NDST3: variants seen among roughly 807,000 people sequenced by gnomAD.
NDST3 encodes bifunctional heparan sulfate N-deacetylase/N-sulfotransferase 3.
Under a neutral mutation model 96.1 loss-of-function variants are expected in NDST3, and 58 were observed. That is an observed-to-expected ratio of 0.60 (90% confidence interval 0.49 to 0.75). The LOEUF (loss-of-function observed/expected upper bound fraction) is 0.75, where lower values mean the gene tolerates loss of function less well. NDST3 is among the 30% of genes least tolerant of loss of function. NDST3 has a pLI of 0.00. For missense variants in NDST3, 788 were observed against 1,034.2 expected (o/e 0.76, Z 3.27); for synonymous variants, 333 against 359.7 (o/e 0.93, Z 0.84).
intron 2 of NDST3, among the ~76,000 whole-genome samples, chr4:118,065,208 T>C (rs1173962099): frequency 6.6e-6 from 1 of 152,154 alleles, no homozygotes; most frequent in African/African-American, 2.4e-5. Context: ...GTAATCATGC[T>C]ACAATTCTTA....
intron 6 of NDST3, among the ~76,000 whole-genome samples, chr4:118,144,241 C>T (rs542290651): frequency 5.7e-4 from 87 of 151,658 alleles, no homozygotes; most frequent in African/African-American, 2.1e-3. Context: ...AGTGCAGTGG[C>T]GCCATCTCGG....
At chr4:118,186,470 T>C (rs1369151102) in intron 6 of NDST3, among the ~76,000 whole-genome samples, 8 of 152,128 alleles carry the variant, frequency 5.3e-5, no homozygotes, top group African/African-American at 1.2e-4. Flanking sequence ...GCTGAAGGAC[T>C]TGGAGTCTAA....
chr4:118,109,221 T>C (rs1730445094), intron 3 of NDST3, among the ~76,000 whole-genome samples: 1 of 152,154 alleles, frequency 6.6e-6, no homozygotes, highest in African/African-American at 2.4e-5. Flanking sequence ...TTATCTTAGA[T>C]TCTTTGACAT....
chr4:118,198,989 C>T (rs555333503), intron 6 of NDST3, among the ~76,000 whole-genome samples: 1 of 151,878 alleles, frequency 6.6e-6, no homozygotes, highest in African/African-American at 2.4e-5. Flanking sequence ...TTTTTTTATC[C>T]TTGACCTTTG....
intron 6 of NDST3, among the ~76,000 whole-genome samples, chr4:118,192,180 T>A (rs1737349525): frequency 6.6e-6 from 1 of 152,244 alleles, no homozygotes; most frequent in African/African-American, 2.4e-5. Context: ...ACATTCCGCT[T>A]ATTAATCCCT....
At position 118,096,740 on chromosome 4, in the gene NDST3, G is replaced by A. The variant is rs560482293; in HGVS notation, c.982-8278G>A. ...TTAGGCAGATGTATTATAAGGAATT[G>A]GCTTATGAGGTTATGGAGGCTGAGA... is the stretch of plus-strand genomic sequence containing the variant. On this transcript the variant is annotated intron_variant, in intron 2 of 13. Transcript: ENST00000296499. Among the ~76,000 whole-genome samples, 27 of 151,850 alleles carry A rather than the reference G, an allele frequency of 1.8e-4. No homozygotes were observed. In the South Asian group the frequency reaches 2.7e-3, roughly 15 times the overall value.
At chr4:118,159,660 A>G (rs990396484) in intron 6 of NDST3, among the ~76,000 whole-genome samples, 3 of 152,252 alleles carry the variant, frequency 2.0e-5, no homozygotes, top group Non-Finnish European at 2.9e-5. Flanking sequence ...AAGATGTTCA[A>G]TAAACTCAGG....
intron 2 of NDST3, among the ~76,000 whole-genome samples, chr4:118,060,609 GC>G (rs1489559736): frequency 6.6e-6 from 1 of 151,806 alleles, no homozygotes; most frequent in Admixed American, 6.6e-5. Flanking sequence ...CTTTATATTT[GC>G]CCCACTTGTT....
At chr4:118,148,513 T>C (rs2125912524) in intron 6 of NDST3, among the ~76,000 whole-genome samples, 1 of 152,290 alleles carries the variant, frequency 6.6e-6, no homozygotes, top group South Asian at 2.1e-4. Context: ...ACCCTCCTAC[T>C]CAAATCCCTA....
At chr4:118,056,806 G>T (rs1725471851) in intron 2 of NDST3, among the ~76,000 whole-genome samples, 1 of 151,922 alleles carries the variant, frequency 6.6e-6, no homozygotes, top group Non-Finnish European at 1.5e-5. Flanking sequence ...AGGCTTTAGG[G>T]ATACAATGAT....
In NDST3 at chr4:118,072,699, G is replaced by A. The variant is rs149711738; in HGVS notation, c.981+17808G>A. Among the ~76,000 whole-genome samples, 1,011 of 151,970 alleles carry A rather than the reference G, an allele frequency of 6.7e-3. 8 individuals are homozygous for A. The highest frequency in any genetic ancestry group is 0.023 in the African/African-American group (969 of 41,496). Reference sequence around the variant, plus strand: ...AGAAATAGTTTGACTTTCTCTCTTCGTATTTGGATGCCTTTTGTTTCTTTA... The same window carrying A: ...AGAAATAGTTTGACTTTCTCTCTTCATATTTGGATGCCTTTTGTTTCTTTA... On this transcript the variant is annotated intron_variant, in intron 2 of 13. Transcript: ENST00000296499.
intron 6 of NDST3, among the ~76,000 whole-genome samples, chr4:118,164,678 G>A (rs573739345): frequency 6.6e-5 from 10 of 152,138 alleles, no homozygotes; most frequent in African/African-American, 1.4e-4. Flanking sequence ...CAGAAAAATA[G>A]ATAATACTGT....
At chr4:118,173,442 T>C (rs960370700) in intron 6 of NDST3, among the ~76,000 whole-genome samples, 1 of 152,110 alleles carries the variant, frequency 6.6e-6, no homozygotes, top group Admixed American at 6.6e-5. Flanking sequence ...CTAAGGGATG[T>C]AGTATACACA....
At chr4:118,194,929 GATTCTC>G (rs1392583375) in intron 6 of NDST3, among the ~76,000 whole-genome samples, 1 of 152,176 alleles carries the variant, frequency 6.6e-6, no homozygotes, top group Non-Finnish European at 1.5e-5. Flanking sequence ...CAGGTAATGT[GATTCTC>G]TCCAGTTTTG....
At chr4:118,238,526 G>C (rs17594243) in intron 10 of NDST3, among the ~76,000 whole-genome samples, 17,291 of 152,172 alleles carry the variant, frequency 0.11, 1,330 homozygotes, top group South Asian at 0.19. Flanking sequence ...AAAATTAATA[G>C]AGTCAATGTC....
intron 12 of NDST3, among the ~76,000 whole-genome samples, chr4:118,249,588 A>C (rs539161840): frequency 1.1e-4 from 17 of 152,310 alleles, no homozygotes; most frequent in African/African-American, 4.1e-4. Context: ...AATGATGAGA[A>C]ACAGGCTTTA....
At chr4:118,078,038 TG>T (rs1727702052) in intron 2 of NDST3, among the ~76,000 whole-genome samples, 1 of 152,116 alleles carries the variant, frequency 6.6e-6, no homozygotes, top group Admixed American at 6.6e-5. Flanking sequence ...TTTAGAAGTG[TG>T]GGGGATGGAG....
At chr4:118,144,233 T>C (rs1578720443) in intron 6 of NDST3, among the ~76,000 whole-genome samples, 3 of 151,738 alleles carry the variant, frequency 2.0e-5, no homozygotes, top group Non-Finnish European at 4.4e-5. Context: ...CAGGCTCGAG[T>C]GCAGTGGCGC....
At chr4:118,215,953 G>T (rs952381758) in intron 6 of NDST3, among the ~76,000 whole-genome samples, 3 of 152,058 alleles carry the variant, frequency 2.0e-5, no homozygotes, top group Non-Finnish European at 4.4e-5. Flanking sequence ...GGGAACAGAA[G>T]AGCAAGGTGA....
Sources: allele counts gnomAD v4.1 joint callset (sites outside exome capture counted in the v4.1 genomes callset), GRCh38; gene constraint gnomAD v4.1.1; transcripts MANE v1.5; gene names NCBI Gene and HGNC (gene_info 2026-07-23, HGNC 2026-07-21).